SMS: variants seen among roughly 807,000 people sequenced by gnomAD.
SMS encodes spermine synthase.
Under a neutral mutation model 33.0 loss-of-function variants are expected in SMS, and 3 were observed. That is an observed-to-expected ratio of 0.09 (90% CI 0.04 to 0.23). SMS has a LOEUF of 0.23. Among genes scored for constraint, SMS ranks in the 10% least tolerant of loss-of-function variants. SMS has a pLI of 1.00. For synonymous variants in SMS, 103 were observed against 112.2 expected (o/e 0.92, Z 0.52); for missense variants, 117 against 288.6 (o/e 0.41, Z 4.31).
intron 1 of SMS, among the ~76,000 whole-genome samples, chrX:21,954,740 T>G (rs1263258321): frequency 8.9e-6 from 1 of 112,317 alleles, no homozygotes; most frequent in East Asian, 2.8e-4. Flanking sequence ...TATTTTTTTT[T>G]GACATCACAC....
At chrX:21,971,199 GA>G (rs75873786) in intron 2 of SMS, among the ~76,000 whole-genome samples, 65 of 100,840 alleles carry the variant, frequency 6.4e-4, no homozygotes, top group Middle Eastern at 5.1e-3. Context: ...CTCCATCTCA[GA>G]AAAAAAAAAA....
intron 1 of SMS, among the ~76,000 whole-genome samples, chrX:21,963,588 G>C (rs752145199): frequency 1.8e-5 from 2 of 111,991 alleles, no homozygotes; most frequent in South Asian, 7.4e-4. Flanking sequence ...AATTGTGCCA[G>C]TTAGAAAAAG....
chrX:21,944,297 A>G (rs765919732), intron 1 of SMS, among the ~76,000 whole-genome samples: 1 of 111,589 alleles, frequency 9.0e-6, no homozygotes, highest in African/African-American at 3.3e-5. Flanking sequence ...GCTAACAGGA[A>G]TAAACTTGTC....
Position 21,994,535 on chromosome X carries a change from T to G in SMS, c.*184T>G. 1 of 1,053,550 alleles carries G rather than the reference T, an allele frequency of 9.5e-7. No homozygotes were observed. Among genetic ancestry groups the G allele is most frequent in the Non-Finnish European group, 1.2e-6 (1 of 823,862 alleles). 86.8% of individuals were successfully genotyped at this position (1,053,550 alleles called of 1,213,427 possible). ...ATATTTTGATGAGCTTAGGGTGTTT[T>G]TTTTTTGAAAGTCAGCTGAAGGATG... On this transcript the variant is annotated 3_prime_UTR_variant, in exon 11 of 11. Transcript: ENST00000404933.
chrX:21,942,709 C>G (rs778415578), intron 1 of SMS, among the ~76,000 whole-genome samples: 3 of 109,733 alleles, frequency 2.7e-5, no homozygotes, highest in African/African-American at 1.0e-4. Flanking sequence ...CTGAATTTAG[C>G]GGTGAGGAGA....
chrX:21,962,248 A>G (rs73454845), intron 1 of SMS, among the ~76,000 whole-genome samples: 18,344 of 111,310 alleles, frequency 0.16, 1,815 homozygotes, highest in African/African-American at 0.37. Context: ...CTTACCCCTG[A>G]TATCAAGGAA....
At chrX:21,963,152 C>T (rs1359231690) in intron 1 of SMS, among the ~76,000 whole-genome samples, 1 of 112,353 alleles carries the variant, frequency 8.9e-6, no homozygotes, top group African/African-American at 3.2e-5. Context: ...TTTGTTTTCA[C>T]TTTAAAAGCC....
chrX:21,974,498 C>T (rs758105463), intron 4 of SMS, among the ~76,000 whole-genome samples: 2 of 111,553 alleles, frequency 1.8e-5, no homozygotes, highest in Non-Finnish European at 3.8e-5. Context: ...GCAGGGTTTT[C>T]CTTATCTGCA....
chrX:21,952,054 T>A (rs1349710965), intron 1 of SMS, among the ~76,000 whole-genome samples: 1 of 111,876 alleles, frequency 8.9e-6, no homozygotes, highest in East Asian at 2.8e-4. Flanking sequence ...GCCCAGCTGT[T>A]GGGGTTTGAA....
At chrX:21,964,459 C>CA (rs1923563888) in intron 1 of SMS, among the ~76,000 whole-genome samples, 1 of 111,346 alleles carries the variant, frequency 9.0e-6, no homozygotes, top group South Asian at 3.8e-4. Context: ...CTAGCCAGAC[C>CA]CCTGCATTCT....
At chrX:21,983,794 G>T (rs1431981507) in intron 7 of SMS, among the ~76,000 whole-genome samples, 2 of 111,437 alleles carry the variant, frequency 1.8e-5, no homozygotes, top group African/African-American at 6.5e-5. Flanking sequence ...AGTCTGAGGT[G>T]GGCAGATTGC....
At chrX:21,967,824 G>A (rs1370990740) in intron 2 of SMS, among the ~76,000 whole-genome samples, 2 of 112,362 alleles carry the variant, frequency 1.8e-5, no homozygotes, top group African/African-American at 6.5e-5. Flanking sequence ...ATAGTAAGAC[G>A]GGCAGGATCG....
chrX:21,945,362 A>G (rs1922137418), intron 1 of SMS, among the ~76,000 whole-genome samples: 1 of 111,904 alleles, frequency 8.9e-6, no homozygotes, highest in South Asian at 3.7e-4. Flanking sequence ...GACCATTGCT[A>G]TATGATTTGT....
intron 1 of SMS, among the ~76,000 whole-genome samples, chrX:21,941,694 A>G (rs940771982): frequency 9.3e-5 from 10 of 107,573 alleles, no homozygotes; most frequent in African/African-American, 1.0e-4. Context: ...AGACCAGCCT[A>G]GCCAACATGG....
At position 21,963,778 on chromosome X, in the gene SMS, C is replaced by T. The variant is rs141809682; in HGVS notation, c.50-3418C>T. Among the ~76,000 whole-genome samples, 838 of 112,205 alleles carry T rather than the reference C, an allele frequency of 7.5e-3. 10 individuals carry two copies. Among genetic ancestry groups the T allele is most frequent in the African/African-American group, 0.025 (759 of 30,848 alleles). ...GCAGGGTGGCCTTGTCTAGATTGTT[C>T]GTTCACCAGCATGGGGGTTCGGGTT... On this transcript the variant is annotated intron_variant, in intron 1 of 10. Transcript: ENST00000404933.
At chrX:21,950,433 C>CT (rs55704293) in intron 1 of SMS, among the ~76,000 whole-genome samples, 97 of 76,760 alleles carry the variant, frequency 1.3e-3, no homozygotes, top group South Asian at 6.6e-3. Context: ...TATGACAGGA[C>CT]TTTTTTTTTT....
intron 7 of SMS, among the ~76,000 whole-genome samples, chrX:21,980,429 A>AAAAATATATATATAT (rs1260210326): frequency 1.3e-3 from 82 of 63,011 alleles, no homozygotes; most frequent in South Asian, 4.4e-3. Flanking sequence ...AAAAAAAAAA[A>AAAAATATATATATAT]ATATATATAT....
At chrX:21,985,825 C>T (rs1357763891) in intron 9 of SMS, among the ~76,000 whole-genome samples, 2 of 111,170 alleles carry the variant, frequency 1.8e-5, no homozygotes, top group African/African-American at 6.5e-5. Context: ...AAAAGTACTG[C>T]CAGCCTGGAC....
chrX:21,958,707 G>C (rs1923139478), intron 1 of SMS, among the ~76,000 whole-genome samples: 1 of 111,953 alleles, frequency 8.9e-6, no homozygotes, highest in Non-Finnish European at 1.9e-5. Flanking sequence ...GTAAAGTTTT[G>C]CTCTTGTTGC....
Sources: gnomAD v4.1 joint callset for allele counts (sites outside exome capture counted in the v4.1 genomes callset) on GRCh38, gnomAD v4.1.1 for gene constraint, MANE v1.5 for transcripts, NCBI Gene and HGNC (gene_info 2026-07-23, HGNC 2026-07-21) for gene names.